Variants in ZCWPW2 observed in about 807,000 individuals in gnomAD.
The protein encoded by ZCWPW2 is zinc finger CW-type PWWP domain protein 2.
In ZCWPW2, 45 loss-of-function variants were observed where a neutral mutation model predicts 46.6. The ratio of observed to expected loss-of-function variants is 0.96; its 90% CI spans 0.76 to 1.24. The LOEUF is 1.24. ZCWPW2 is among the 50% of genes most tolerant of loss of function. ZCWPW2 has a pLI of 0.00. For missense variants in ZCWPW2, 429 were observed against 403.9 expected (o/e 1.06, Z -0.53); for synonymous variants, 152 against 137.1 (o/e 1.11, Z -0.76).
chr3:28,448,234 G>T (rs1698073320), intron 4 of ZCWPW2, among the ~76,000 whole-genome samples: 1 of 152,064 alleles, frequency 6.6e-6, no homozygotes, highest in African/African-American at 2.4e-5. Flanking sequence ...ACTAATAAGT[G>T]AATTCAACAA....
chr3:28,441,884 A>G (rs1025370590), intron 4 of ZCWPW2, among the ~76,000 whole-genome samples: 3 of 152,172 alleles, frequency 2.0e-5, no homozygotes, highest in Non-Finnish European at 4.4e-5. Context: ...GCTGTCTCTC[A>G]AAAGGAGAGT....
chr3:28,465,464 T>C (rs1252805592), intron 4 of ZCWPW2, among the ~76,000 whole-genome samples: 5 of 152,174 alleles, frequency 3.3e-5, no homozygotes, highest in Non-Finnish European at 7.4e-5. Flanking sequence ...TGTTAACTTC[T>C]CAAAATAATG....
rs1699832955 is a variant in ZCWPW2 at position 28,492,129 on chromosome 3, A to G, written c.613A>G (p.Lys205Glu). 8 of 1,610,090 alleles carry G rather than the reference A, an allele frequency of 5.0e-6. No homozygotes were observed. Among genetic ancestry groups the G allele is most frequent in the Non-Finnish European group, 6.8e-6 (8 of 1,178,290 alleles). ...AGCCATGTTTCATTGTCTTACAGAT[A>G]AATCCGAAACACATGACAAAGTTGC... ...EMCCLSKLQD[K>E]SETHDKVAAL... Residue 205 changes from lysine to glutamate, a missense_variant and splice_region_variant, in exon 6 of 10, where the codon AAA (lysine) becomes GAA (glutamate). Coordinates refer to ENST00000383768, the MANE Select transcript of ZCWPW2 (RefSeq NM_001040432.4).
At chr3:28,439,961 G>A (rs1697681663) in intron 4 of ZCWPW2, among the ~76,000 whole-genome samples, 1 of 152,168 alleles carries the variant, frequency 6.6e-6, no homozygotes, top group Non-Finnish European at 1.5e-5. Flanking sequence ...TTTGCCTTCA[G>A]CAAGCATCTT....
At chr3:28,379,753 T>C (rs1422422581) in intron 1 of ZCWPW2, among the ~76,000 whole-genome samples, 3 of 152,094 alleles carry the variant, frequency 2.0e-5, no homozygotes, top group Admixed American at 2.0e-4. Flanking sequence ...AATAAAGTTG[T>C]TAAATAAAAA....
chr3:28,523,740 T>A (rs1437651132), intron 9 of ZCWPW2, among the ~76,000 whole-genome samples: 3 of 152,158 alleles, frequency 2.0e-5, no homozygotes, highest in African/African-American at 7.2e-5. Flanking sequence ...CTATTTGTCA[T>A]TGAAATGTTT....
chr3:28,402,894 A>C (rs1696006611), intron 2 of ZCWPW2, among the ~76,000 whole-genome samples: 1 of 152,148 alleles, frequency 6.6e-6, no homozygotes, highest in Non-Finnish European at 1.5e-5. Context: ...CAAGGAGCAA[A>C]GTTCAGTGTA....
At chr3:28,490,043 A>T (rs13087598) in intron 5 of ZCWPW2, among the ~76,000 whole-genome samples, 1 of 152,206 alleles carries the variant, frequency 6.6e-6, no homozygotes, top group Non-Finnish European at 1.5e-5. Flanking sequence ...GAAAACATAT[A>T]TGTGGCTAAT....
At chr3:28,520,128 C>T (rs140311033) in intron 8 of ZCWPW2, among the ~76,000 whole-genome samples, 30 of 151,778 alleles carry the variant, frequency 2.0e-4, no homozygotes, top group African/African-American at 6.5e-4. Context: ...CCCCAGCCTC[C>T]GGAGTAGCTG....
chr3:28,359,560 T>C (rs1156419199), intron 1 of ZCWPW2, among the ~76,000 whole-genome samples: 1 of 152,136 alleles, frequency 6.6e-6, no homozygotes, highest in Non-Finnish European at 1.5e-5. Context: ...AAATGAATTA[T>C]CAGAATACTT....
chr3:28,452,417 T>C (rs1039183747), intron 4 of ZCWPW2, among the ~76,000 whole-genome samples: 2 of 152,160 alleles, frequency 1.3e-5, no homozygotes, highest in African/African-American at 4.8e-5. Context: ...TGCTTCAGCC[T>C]CCGGAGTAGC....
intron 2 of ZCWPW2, among the ~76,000 whole-genome samples, chr3:28,391,053 G>A (rs1013558384): frequency 6.6e-6 from 1 of 152,190 alleles, no homozygotes; most frequent in Non-Finnish European, 1.5e-5. Context: ...GGATGTTAAT[G>A]ATTGACAAGA....
intron 8 of ZCWPW2, 108 bp downstream of exon 8, chr3:28,515,729 G>GTCCACAGAATGTAGTTGTAGTCCT (rs1559536604): frequency 2.5e-6 from 2 of 788,602 alleles, no homozygotes; most frequent in Admixed American, 2.9e-5. Context: ...GTGTGTGTGT[G>GTCCACAGAATGTAGTTGTAGTCCT]TGTGTGTGTG....
At chr3:28,367,400 G>A (rs1705159534) in intron 1 of ZCWPW2, among the ~76,000 whole-genome samples, 1 of 152,086 alleles carries the variant, frequency 6.6e-6, no homozygotes, top group South Asian at 2.1e-4. Context: ...ATTTCGTTAT[G>A]TACCCAGTAG....
chr3:28,396,444 C>T (rs1226773365), intron 2 of ZCWPW2, among the ~76,000 whole-genome samples: 9 of 152,106 alleles, frequency 5.9e-5, no homozygotes, highest in African/African-American at 1.7e-4. Context: ...GTGAACATTT[C>T]ATTTTTAAAA....
rs143391460 is a variant in ZCWPW2 at position 28,442,399 on chromosome 3, G to C, written c.492+7130G>C. On this transcript the variant is annotated intron_variant, in intron 4 of 9. Coordinates refer to ENST00000383768, the MANE Select transcript of ZCWPW2 (RefSeq NM_001040432.4). ...AGCAAATGTCTCACCAATAAGTCCA[G>C]TGTGTTTGCTACTTCTTGCTCACTG... Among the ~76,000 whole-genome samples, 741 of 152,066 alleles carry C rather than the reference G, an allele frequency of 4.9e-3. 6 individuals carry two copies. Among genetic ancestry groups the C allele is most frequent in the African/African-American group, 0.017 (713 of 41,538 alleles).
chr3:28,446,078 T>C (rs59014991), intron 4 of ZCWPW2, among the ~76,000 whole-genome samples: 3,130 of 152,212 alleles, frequency 0.021, 106 homozygotes, highest in African/African-American at 0.062. Context: ...CAATAATAGT[T>C]GGAGACTTAA....
intron 5 of ZCWPW2, among the ~76,000 whole-genome samples, chr3:28,489,764 C>G (rs1699743612): frequency 6.6e-6 from 1 of 151,776 alleles, no homozygotes; most frequent in East Asian, 1.9e-4. Context: ...TATCTTCAGA[C>G]ATTGTTTTAG....
chr3:28,425,937 C>T lies in ZCWPW2; in HGVS notation c.333-9173C>T, dbSNP rs9879255. 6.4e-3 allele frequency among the ~76,000 whole-genome samples: 970 copies of T among 152,088 alleles called. 9 individuals are homozygous for T. The highest frequency in any genetic ancestry group is 0.022 in the African/African-American group (929 of 41,504). The stretch of plus-strand genomic sequence containing the variant: ...CCAACCTGACCAACATGCAGAAACC[C>T]TGTCTCTACTAAAATTTCAAAATTA... On this transcript the variant is annotated intron_variant, in intron 3 of 9. Transcript: ENST00000383768.
Sources: allele counts gnomAD v4.1 joint callset (sites outside exome capture counted in the v4.1 genomes callset), GRCh38; gene constraint gnomAD v4.1.1; transcripts MANE v1.5; gene names NCBI Gene and HGNC (gene_info 2026-07-23, HGNC 2026-07-21).